DCDC1: variants seen among roughly 807,000 people sequenced by gnomAD.
DCDC1 encodes the protein doublecortin domain-containing protein 1.
A neutral mutation model predicts 178.3 loss-of-function variants in DCDC1; 200 were observed. The ratio of observed to expected loss-of-function variants is 1.12; its 90% CI spans 1.00 to 1.26. The LOEUF is 1.26. Among genes scored for constraint, DCDC1 ranks in the 50% most tolerant of loss-of-function variants. The pLI, the probability that DCDC1 is intolerant of heterozygous loss-of-function variation, is 0.00. For synonymous variants in DCDC1, 690 were observed against 604.8 expected, an observed-to-expected ratio of 1.14 and a Z score of -2.07; for missense variants, 1,983 against 1,749.2, an observed-to-expected ratio of 1.13 and a Z score of -2.38.
At chr11:30,951,561 T>C (rs1292162599) in intron 21 of DCDC1, among the ~76,000 whole-genome samples, 2 of 152,248 alleles carry the variant, frequency 1.3e-5, no homozygotes, top group South Asian at 4.1e-4. Context: ...CACAATGTGA[T>C]CTAATGGAAA....
intron 38 of DCDC1, among the ~76,000 whole-genome samples, chr11:30,876,271 T>G (rs1942112067): frequency 6.6e-6 from 1 of 152,206 alleles, no homozygotes; most frequent in Admixed American, 6.5e-5. Flanking sequence ...CAAAGGAAAT[T>G]ACTGCATTTA....
intron 20 of DCDC1, among the ~76,000 whole-genome samples, chr11:30,987,825 A>C (rs1280152819): frequency 6.6e-6 from 1 of 152,172 alleles, no homozygotes; most frequent in African/African-American, 2.4e-5. Context: ...CTCATCAGCT[A>C]TCAGCTATCA....
intron 20 of DCDC1, among the ~76,000 whole-genome samples, chr11:30,980,471 A>G (rs907693652): frequency 3.9e-5 from 6 of 152,266 alleles, no homozygotes; most frequent in South Asian, 4.1e-4. Flanking sequence ...CCTAGTACTG[A>G]AAGGTAGACA....
chr11:31,329,992 T>G (rs1949878828), intron 2 of DCDC1, among the ~76,000 whole-genome samples: 1 of 152,336 alleles, frequency 6.6e-6, no homozygotes, highest in South Asian at 2.1e-4. Context: ...TCCACAATGG[T>G]TGAACTAGTT....
intron 11 of DCDC1, among the ~76,000 whole-genome samples, chr11:31,121,396 C>A (rs952521259): frequency 6.8e-6 from 1 of 148,030 alleles, no homozygotes; most frequent in Non-Finnish European, 1.5e-5. Flanking sequence ...AAATGAGCAA[C>A]CACACAGAGG....
At chr11:31,272,708 C>T (rs777181920) in intron 7 of DCDC1, among the ~76,000 whole-genome samples, 13 of 152,218 alleles carry the variant, frequency 8.5e-5, no homozygotes, top group South Asian at 2.1e-4. Flanking sequence ...GTCATGCTGA[C>T]GCAAGAAGGG....
intron 20 of DCDC1, among the ~76,000 whole-genome samples, chr11:30,978,680 T>C (rs1262885227): frequency 3.3e-5 from 5 of 152,036 alleles, no homozygotes; most frequent in East Asian, 3.9e-4. Context: ...TTGCTAACGA[T>C]AGAAACCCTA....
At chr11:30,913,681 T>C (rs970088575) in intron 27 of DCDC1, among the ~76,000 whole-genome samples, 3 of 152,286 alleles carry the variant, frequency 2.0e-5, no homozygotes, top group Non-Finnish European at 4.4e-5. Context: ...AAACTGTCCT[T>C]CTCTTCTGTG....
chr11:31,218,073 A>G (rs536380227), intron 9 of DCDC1, among the ~76,000 whole-genome samples: 3 of 152,172 alleles, frequency 2.0e-5, no homozygotes, highest in South Asian at 2.1e-4. Flanking sequence ...TTTTTTCCTA[A>G]ATTTTTATCT....
chr11:31,092,181 T>C, intron 16 of DCDC1, among the ~76,000 whole-genome samples: 1 of 152,314 alleles, frequency 6.6e-6, no homozygotes, highest in South Asian at 2.1e-4. Context: ...AAGATGTATT[T>C]TTAAAACAGG....
Position 30,865,293 on chromosome 11 carries a change from C to G in DCDC1, c.*80G>C, listed in dbSNP as rs1214572939. The G allele has an allele frequency of 6.6e-6, 1 of 152,072 alleles. No homozygotes were observed. Among genetic ancestry groups the G allele is most frequent in the Non-Finnish European group, 1.5e-5 (1 of 68,018 alleles). 9.4% of individuals were successfully genotyped at this position (152,072 alleles called of 1,614,324 possible). A position where few individuals can be genotyped will look rare whatever the true frequency, so the allele number is the denominator to read the frequency against. ...ATGGAAATAATTGGCCTTCTTGTCA[C>G]AGTCTTCTGTTTATAAGTGGGTAAA... On this transcript the variant is annotated 3_prime_UTR_variant, in exon 39 of 39. Coordinates refer to ENST00000684477, the MANE Select transcript of DCDC1 (RefSeq NM_001387274.1).
At chr11:31,072,105 T>A (rs1956602842) in intron 18 of DCDC1, among the ~76,000 whole-genome samples, 1 of 152,220 alleles carries the variant, frequency 6.6e-6, no homozygotes, top group Admixed American at 6.5e-5. Context: ...TTCTTTTATC[T>A]TTATCAGCAT....
chr11:30,997,279 C>G (rs1951321995), intron 20 of DCDC1, among the ~76,000 whole-genome samples: 1 of 152,136 alleles, frequency 6.6e-6, no homozygotes, highest in African/African-American at 2.4e-5. Context: ...CATGACTATG[C>G]ATTTGTCAAA....
chr11:31,062,936 T>TCCCTCCC (rs1432531448), intron 20 of DCDC1, among the ~76,000 whole-genome samples: 12 of 122,746 alleles, frequency 9.8e-5, no homozygotes, highest in African/African-American at 9.2e-5. Flanking sequence ...CCTAATGTTA[T>TCCCTCCC]CCCTCCCCCC....
intron 12 of DCDC1, among the ~76,000 whole-genome samples, chr11:31,109,856 G>C (rs1959086297): frequency 1.3e-5 from 2 of 152,138 alleles, no homozygotes; most frequent in African/African-American, 4.8e-5. Flanking sequence ...AGCTGAACTT[G>C]CTCACAATGA....
intron 9 of DCDC1, among the ~76,000 whole-genome samples, chr11:31,174,130 A>C (rs549472035): frequency 1.3e-5 from 2 of 151,990 alleles, no homozygotes; most frequent in East Asian, 3.9e-4. Flanking sequence ...AGGAGCAGAA[A>C]GGAGCCCCAC....
chr11:30,892,990 A>T lies in DCDC1; in HGVS notation c.4910T>A (p.Leu1637His), dbSNP rs1399213523. 1 of 1,613,818 alleles carries T rather than the reference A, an allele frequency of 6.2e-7. No individual in the cohort carries two copies. The highest frequency in any genetic ancestry group is 2.2e-5 in the East Asian group (1 of 44,870). Reference sequence around the variant, plus strand: ...GGATTCCATTTCTTGGATTTCAGAAAGGTGTGCCTGTCAAGAAAAGCCCAG... The same window carrying T: ...GGATTCCATTTCTTGGATTTCAGAATGGTGTGCCTGTCAAGAAAAGCCCAG... ...MELIRHTEAH[L>H]SEIQEMESKI... Residue 1637 changes from leucine to histidine, a missense_variant, in exon 36 of 39, where the codon CTT becomes CAT. Transcript: ENST00000684477.
At chr11:31,151,475 T>C (rs1240681022) in intron 9 of DCDC1, among the ~76,000 whole-genome samples, 4 of 152,200 alleles carry the variant, frequency 2.6e-5, no homozygotes, top group African/African-American at 9.6e-5. Flanking sequence ...CCTGGCTGTC[T>C]GCAATTATTA....
chr11:31,022,069 A>T (rs1479654202), intron 20 of DCDC1, among the ~76,000 whole-genome samples: 1 of 152,026 alleles, frequency 6.6e-6, no homozygotes, highest in East Asian at 1.9e-4. Context: ...TGCTTTACCA[A>T]CCCTAATACC....
Sources: allele counts gnomAD v4.1 joint callset (sites outside exome capture counted in the v4.1 genomes callset), GRCh38; gene constraint gnomAD v4.1.1; transcripts MANE v1.5; gene names NCBI Gene and HGNC (gene_info 2026-07-23, HGNC 2026-07-21).